The following NDUFS4 variants were observed in gnomAD, a reference collection of about 807,000 sequenced individuals.
NDUFS4 encodes NADH dehydrogenase [ubiquinone] iron-sulfur protein 4, mitochondrial.
NDUFS4 carries 28 observed loss-of-function variants against 24.3 expected under a neutral mutation model. That is an observed-to-expected ratio of 1.15 (90% confidence interval 0.85 to 1.58). The LOEUF is 1.58. Ranked by LOEUF, NDUFS4 falls within the 40% of genes most tolerant of loss-of-function variation. NDUFS4 has a pLI of 0.00. For synonymous variants in NDUFS4, 93 were observed against 69.7 expected (o/e 1.34, Z -1.67); for missense variants, 223 against 207.9 (o/e 1.07, Z -0.45).
At chr5:53,680,312 T>TA (rs1396462594) in intron 4 of NDUFS4, among the ~76,000 whole-genome samples, 1 of 152,126 alleles carries the variant, frequency 6.6e-6, no homozygotes, top group Non-Finnish European at 1.5e-5. Context: ...GAACTAGAAA[T>TA]ACCATTTGAC....
intron 4 of NDUFS4, among the ~76,000 whole-genome samples, chr5:53,665,349 A>G (rs1049185829): frequency 6.6e-6 from 1 of 152,138 alleles, no homozygotes; most frequent in African/African-American, 2.4e-5. Flanking sequence ...CTACTCTTCA[A>G]AGCTGTCAGA....
intron 1 of NDUFS4, among the ~76,000 whole-genome samples, chr5:53,583,702 T>C (rs1013862866): frequency 6.6e-6 from 1 of 152,232 alleles, no homozygotes; most frequent in Non-Finnish European, 1.5e-5. Context: ...TTAAATATTA[T>C]AGGTATTGTT....
intron 2 of NDUFS4, among the ~76,000 whole-genome samples, chr5:53,609,328 C>T (rs1323139498): frequency 6.6e-6 from 1 of 152,174 alleles, no homozygotes; most frequent in Non-Finnish European, 1.5e-5. Flanking sequence ...GAAAGCGACA[C>T]CCTTGTACAT....
intron 2 of NDUFS4, among the ~76,000 whole-genome samples, chr5:53,616,295 T>C (rs1036650993): frequency 3.3e-5 from 5 of 152,150 alleles, no homozygotes; most frequent in African/African-American, 7.2e-5. Flanking sequence ...TTAGAGCTTA[T>C]ATTCTCATGC....
chr5:53,587,960 A>T (rs976699887), intron 1 of NDUFS4, among the ~76,000 whole-genome samples: 1 of 152,166 alleles, frequency 6.6e-6, no homozygotes, highest in African/African-American at 2.4e-5. Flanking sequence ...TATAATAATT[A>T]CTTGTTTAGG....
intron 4 of NDUFS4, among the ~76,000 whole-genome samples, chr5:53,680,626 A>T (rs1740633492): frequency 6.6e-6 from 1 of 151,496 alleles, no homozygotes; most frequent in Admixed American, 6.6e-5. Flanking sequence ...GTTCTCACTC[A>T]TAGGTGGGAA....
At chr5:53,575,904 A>G (rs1035249273) in intron 1 of NDUFS4, among the ~76,000 whole-genome samples, 4 of 152,228 alleles carry the variant, frequency 2.6e-5, no homozygotes, top group African/African-American at 9.6e-5. Context: ...AGGAATTCAC[A>G]TACCATAATC....
chr5:53,604,252 C>T (rs1397229476), intron 2 of NDUFS4, among the ~76,000 whole-genome samples: 1 of 152,148 alleles, frequency 6.6e-6, no homozygotes, highest in African/African-American at 2.4e-5. Flanking sequence ...TTACCATTAT[C>T]AGTGTTTCTT....
rs1740733614 is a variant in NDUFS4 at position 53,683,187 on chromosome 5, CT to C, written c.496del (p.Trp166GlyfsTer23). ...TCCAAGTCTTATGGTGCAAACTTTTCTTGGAACAAAAGAACAAGAGTATCCA... is the reference window on the plus strand; with the variant it reads ...TCCAAGTCTTATGGTGCAAACTTTTCTGGAACAAAAGAACAAGAGTATCCA... ...PKSKSYGANFSWNKRTRVSTK is the reference protein window; with the variant it reads ...PKSKSYGANFXWNKRTRVSTK On this transcript the variant is annotated frameshift_variant, in exon 5 of 5. Coordinates refer to ENST00000296684, the MANE Select transcript of NDUFS4 (RefSeq NM_002495.4). LOFTEE classifies it high-confidence loss of function. 1.2e-6 allele frequency: 2 copies of C among 1,611,936 alleles called. No homozygotes were observed. Among genetic ancestry groups the C allele is most frequent in the Non-Finnish European group, 1.7e-6 (2 of 1,178,378 alleles).
intron 2 of NDUFS4, among the ~76,000 whole-genome samples, chr5:53,635,227 C>A (rs1226692112): frequency 6.6e-6 from 1 of 151,082 alleles, no homozygotes; most frequent in East Asian, 1.9e-4. Flanking sequence ...AACCAACCAA[C>A]CAAAAAATCC....
intron 1 of NDUFS4, among the ~76,000 whole-genome samples, chr5:53,595,864 A>G (rs1285998981): frequency 6.6e-6 from 1 of 152,226 alleles, no homozygotes; most frequent in Non-Finnish European, 1.5e-5. Context: ...GTTCAGAAGA[A>G]TGAGAAAAAT....
At chr5:53,608,524 G>T (rs1021627771) in intron 2 of NDUFS4, among the ~76,000 whole-genome samples, 1 of 152,208 alleles carries the variant, frequency 6.6e-6, no homozygotes, top group Non-Finnish European at 1.5e-5. Flanking sequence ...TAAGTTTATG[G>T]AATAATCTAA....
chr5:53,630,251 T>C (rs913536916), intron 2 of NDUFS4, among the ~76,000 whole-genome samples: 2 of 152,226 alleles, frequency 1.3e-5, no homozygotes, highest in African/African-American at 4.8e-5. Flanking sequence ...AGAGATCTGC[T>C]GTTAGTCTGA....
intron 2 of NDUFS4, among the ~76,000 whole-genome samples, chr5:53,622,438 G>A (rs1561368951): frequency 6.6e-6 from 1 of 152,050 alleles, no homozygotes; most frequent in Non-Finnish European, 1.5e-5. Flanking sequence ...TCCTTGATGT[G>A]TCTACATGGC....
At chr5:53,574,689 C>CT (rs1749327627) in intron 1 of NDUFS4, among the ~76,000 whole-genome samples, 1 of 152,070 alleles carries the variant, frequency 6.6e-6, no homozygotes, top group Non-Finnish European at 1.5e-5. Flanking sequence ...TTTTATTTCC[C>CT]TTGAGACTTC....
chr5:53,657,843 T>G (rs1752208232), intron 3 of NDUFS4, among the ~76,000 whole-genome samples: 1 of 151,274 alleles, frequency 6.6e-6, no homozygotes, highest in Non-Finnish European at 1.5e-5. Flanking sequence ...GAGAATTGCT[T>G]GAACCTGGGA....
chr5:53,675,906 T>G (rs550640833), intron 4 of NDUFS4, among the ~76,000 whole-genome samples: 83 of 152,202 alleles, frequency 5.5e-4, no homozygotes, highest in Non-Finnish European at 9.6e-4. Context: ...GTATGCAGGC[T>G]TAAGCATAAG....
intron 1 of NDUFS4, among the ~76,000 whole-genome samples, chr5:53,565,642 A>G (rs1383066570): frequency 1.6e-4 from 24 of 152,244 alleles, no homozygotes; most frequent in Non-Finnish European, 3.5e-4. Flanking sequence ...ACTATCTACA[A>G]CACATATTCT....
intron 4 of NDUFS4, among the ~76,000 whole-genome samples, chr5:53,664,703 T>A (rs1442521491): frequency 6.6e-6 from 1 of 152,202 alleles, no homozygotes; most frequent in African/African-American, 2.4e-5. Context: ...AGGACTTCTC[T>A]GCATTGGTTA....
Sources: allele counts gnomAD v4.1 joint callset (sites outside exome capture counted in the v4.1 genomes callset), GRCh38; gene constraint gnomAD v4.1.1; transcripts MANE v1.5; gene names NCBI Gene and HGNC (gene_info 2026-07-23, HGNC 2026-07-21).